Variants in EHBP1 observed in about 807,000 individuals in gnomAD.
EHBP1 encodes the protein EH domain-binding protein 1.
A neutral mutation model predicts 144.0 loss-of-function variants in EHBP1; 55 were observed. The ratio of observed to expected loss-of-function variants is 0.38; its 90% CI spans 0.31 to 0.48. The LOEUF (loss-of-function observed/expected upper bound fraction) is 0.48. Among genes scored for constraint, EHBP1 ranks in the 20% least tolerant of loss-of-function variants. The pLI, the probability that EHBP1 is intolerant of heterozygous loss-of-function variation, is 0.98. For missense variants in EHBP1, 1,200 were observed against 1,364.2 expected (o/e 0.88, Z 1.90); for synonymous variants, 469 against 472.7 (o/e 0.99, Z 0.10).
intron 15 of EHBP1, among the ~76,000 whole-genome samples, chr2:62,987,081 G>T (rs1574369065): frequency 6.6e-6 from 1 of 152,138 alleles, no homozygotes; most frequent in African/African-American, 2.4e-5. Context: ...CTGTTGGATA[G>T]AAATTAAAGT....
intron 5 of EHBP1, among the ~76,000 whole-genome samples, chr2:62,809,292 GAAAAAAAAAAAAAA>G: frequency 2.1e-5 from 1 of 46,574 alleles, no homozygotes; most frequent in South Asian, 8.6e-4. Context: ...CTATGTCTCA[GAAAAAAAAAAAAAA>G]AAAAAAAAAC....
intron 10 of EHBP1, among the ~76,000 whole-genome samples, chr2:62,903,240 A>G (rs2053549893): frequency 6.6e-6 from 1 of 152,252 alleles, no homozygotes; most frequent in Non-Finnish European, 1.5e-5. Flanking sequence ...TAAGTCTTAA[A>G]GGAACATTCT....
At chr2:63,036,864 C>A (rs2061460046) in intron 19 of EHBP1, among the ~76,000 whole-genome samples, 1 of 151,750 alleles carries the variant, frequency 6.6e-6, no homozygotes, top group African/African-American at 2.4e-5. Flanking sequence ...CTCCTGTGTA[C>A]AATCAGTTAT....
chr2:62,959,005 T>A (rs1214543176), intron 14 of EHBP1, among the ~76,000 whole-genome samples: 1 of 152,218 alleles, frequency 6.6e-6, no homozygotes, highest in Non-Finnish European at 1.5e-5. Flanking sequence ...AATGAAACTT[T>A]ATTCCTGTAG....
chr2:62,689,584 C>T (rs1206828198), intron 1 of EHBP1, among the ~76,000 whole-genome samples: 3 of 152,082 alleles, frequency 2.0e-5, no homozygotes, highest in Non-Finnish European at 4.4e-5. Flanking sequence ...GTGGAGGTTG[C>T]CGAGAGGTAA....
chr2:62,769,505 G>A (rs1382937125), intron 4 of EHBP1, among the ~76,000 whole-genome samples: 1 of 152,060 alleles, frequency 6.6e-6, no homozygotes, highest in Non-Finnish European at 1.5e-5. Context: ...AAAGAAATCA[G>A]AGATGACACA....
Position 62,811,168 on chromosome 2 carries a change from T to G in EHBP1, c.313-14919T>G, listed in dbSNP as rs1311038998. Among the ~76,000 whole-genome samples the G allele has an allele frequency of 1.2e-4, 18 of 152,332 alleles. No individual in the cohort carries two copies. In the East Asian group the frequency reaches 3.5e-3, roughly 29 times the overall value. Reference sequence around the variant, plus strand: ...AATTTTTAATGTTGATTCTTTCTCTTTTACATTTGTGCTACCAAACTCTCT... The same window carrying G: ...AATTTTTAATGTTGATTCTTTCTCTGTTACATTTGTGCTACCAAACTCTCT... On this transcript the variant is annotated intron_variant, in intron 5 of 22. Transcript: ENST00000431489.
intron 1 of EHBP1, among the ~76,000 whole-genome samples, chr2:62,676,821 CGTT>C (rs1352124131): frequency 2.0e-5 from 3 of 152,058 alleles, no homozygotes; most frequent in African/African-American, 7.2e-5. Flanking sequence ...CTACAGCAAT[CGTT>C]GTTTTTCTCA....
At chr2:62,802,593 G>C (rs953080279) in intron 5 of EHBP1, among the ~76,000 whole-genome samples, 5 of 151,878 alleles carry the variant, frequency 3.3e-5, no homozygotes, top group Admixed American at 6.6e-5. Context: ...ATAAAGAAAC[G>C]TATAAAGTAA....
At chr2:62,828,500 T>A (rs940777233) in intron 6 of EHBP1, among the ~76,000 whole-genome samples, 2 of 152,234 alleles carry the variant, frequency 1.3e-5, no homozygotes, top group African/African-American at 4.8e-5. Context: ...TAGTTTTTTT[T>A]ATCTTGTAGC....
chr2:62,909,313 G>T (rs1401684089), intron 10 of EHBP1, among the ~76,000 whole-genome samples: 1 of 152,118 alleles, frequency 6.6e-6, no homozygotes, highest in Non-Finnish European at 1.5e-5. Context: ...CTCCCGAGTA[G>T]CTGGGACTAC....
intron 18 of EHBP1, 40 bp from the exon 19 acceptor site, chr2:62,996,603 A>G (rs1486828330): frequency 6.2e-7 from 1 of 1,612,354 alleles, no homozygotes; most frequent in East Asian, 2.2e-5. Flanking sequence ...TGCAACTTAC[A>G]AGTGATTTTT....
At chr2:62,764,420 GA>G in intron 4 of EHBP1, 59 bp downstream of exon 4, 1 of 1,297,494 alleles carries the variant, frequency 7.7e-7, no homozygotes, top group Non-Finnish European at 1.1e-6. Flanking sequence ...CCAAATGACA[GA>G]ATATTTCAGT....
chr2:62,814,487 A>G (rs971954432), intron 5 of EHBP1, among the ~76,000 whole-genome samples: 5 of 152,254 alleles, frequency 3.3e-5, no homozygotes, highest in Admixed American at 1.3e-4. Context: ...ATCTACTCAC[A>G]TATTCTTAGA....
intron 14 of EHBP1, among the ~76,000 whole-genome samples, chr2:62,971,839 A>G (rs376640763): frequency 6.6e-6 from 1 of 152,196 alleles, no homozygotes; most frequent in African/African-American, 2.4e-5. Context: ...TACGGCTTCT[A>G]TGAAACCCTC....
chr2:62,866,446 C>T (rs931228055), intron 9 of EHBP1, among the ~76,000 whole-genome samples: 3 of 152,034 alleles, frequency 2.0e-5, no homozygotes, highest in Non-Finnish European at 4.4e-5. Context: ...AGAAATGGGA[C>T]AGATGATGGA....
chr2:62,853,934 T>A (rs1380043540), intron 7 of EHBP1, among the ~76,000 whole-genome samples: 1 of 152,194 alleles, frequency 6.6e-6, no homozygotes, highest in East Asian at 1.9e-4. Context: ...GCTTAAAATA[T>A]TCAGTAAGCC....
chr2:62,891,986 G>T (rs576772053), intron 10 of EHBP1, among the ~76,000 whole-genome samples: 1 of 152,074 alleles, frequency 6.6e-6, no homozygotes, highest in Non-Finnish European at 1.5e-5. Context: ...ACTTTAACTG[G>T]TAAGTTTTGT....
upstream of EHBP1, among the ~76,000 whole-genome samples, chr2:62,701,634 A>G (rs2034284562): frequency 6.6e-6 from 1 of 152,230 alleles, no homozygotes; most frequent in Non-Finnish European, 1.5e-5. Flanking sequence ...GTGGGGTATA[A>G]GAGGAGAAAA....
Sources: allele counts gnomAD v4.1 joint callset (sites outside exome capture counted in the v4.1 genomes callset), GRCh38; gene constraint gnomAD v4.1.1; transcripts MANE v1.5; gene names NCBI Gene and HGNC (gene_info 2026-07-23, HGNC 2026-07-21).